Variants in TCF7L2 observed in about 807,000 individuals in gnomAD.
TCF7L2 encodes transcription factor 7-like 2.
A neutral mutation model predicts 77.9 loss-of-function variants in TCF7L2; 23 were observed. The observed-to-expected ratio is 0.30, with a 90% CI of 0.21 to 0.42. The LOEUF (loss-of-function observed/expected upper bound fraction) is 0.42. Ranked by LOEUF, TCF7L2 falls within the 10% of genes least tolerant of loss-of-function variation. The probability of loss-of-function intolerance (pLI) is 1.00; values close to 1 mark genes in which losing one functional copy is unlikely to be tolerated. For missense variants in TCF7L2, 654 were observed against 793.1 expected (o/e 0.82, Z 2.11); for synonymous variants, 413 against 340.2 (o/e 1.21, Z -2.36).
chr10:113,077,498 A>C (rs1423287173), intron 5 of TCF7L2, among the ~76,000 whole-genome samples: 1 of 150,768 alleles, frequency 6.6e-6, no homozygotes, highest in African/African-American at 2.4e-5. Context: ...CATTTCCCCC[A>C]CTCTGCCTTC....
intron 5 of TCF7L2, among the ~76,000 whole-genome samples, chr10:113,108,059 A>G (rs2062630115): frequency 6.6e-6 from 1 of 152,142 alleles, no homozygotes; most frequent in African/African-American, 2.4e-5. Flanking sequence ...TCTTCCTTTG[A>G]GAGCCTCCAG....
intron 4 of TCF7L2, among the ~76,000 whole-genome samples, chr10:113,023,534 C>T (rs1302032919): frequency 2.6e-5 from 4 of 152,104 alleles, no homozygotes; most frequent in Admixed American, 6.5e-5. Context: ...TGCAGTGGCA[C>T]GATCTCAGCT....
intron 5 of TCF7L2, among the ~76,000 whole-genome samples, chr10:113,097,262 T>C (rs557404424): frequency 2.0e-5 from 3 of 152,198 alleles, no homozygotes; most frequent in South Asian, 2.1e-4. Context: ...CACTAGAAAG[T>C]AGGAGCAGCT....
At chr10:112,988,851 A>G (rs532486345) in intron 4 of TCF7L2, among the ~76,000 whole-genome samples, 7 of 152,334 alleles carry the variant, frequency 4.6e-5, no homozygotes, top group Admixed American at 2.6e-4. Context: ...CAGTTTCTCT[A>G]TATATGGACA....
chr10:113,002,576 A>G (rs1348830348), intron 4 of TCF7L2, among the ~76,000 whole-genome samples: 1 of 152,056 alleles, frequency 6.6e-6, no homozygotes, highest in African/African-American at 2.4e-5. Context: ...ACATTTGATA[A>G]GGTAACTCAC....
chr10:113,141,028 A>G (rs980595462), intron 5 of TCF7L2, among the ~76,000 whole-genome samples, 156 bp from the exon 6 acceptor site: 5 of 152,156 alleles, frequency 3.3e-5, no homozygotes, highest in African/African-American at 4.8e-5. Flanking sequence ...TTATTTTCAC[A>G]TGGACTGGGG....
chr10:113,056,902 T>C (rs992962643), intron 5 of TCF7L2, among the ~76,000 whole-genome samples: 1 of 152,170 alleles, frequency 6.6e-6, no homozygotes, highest in Non-Finnish European at 1.5e-5. Flanking sequence ...GCCTTGGGCC[T>C]CTACAGAGCG....
intron 5 of TCF7L2, among the ~76,000 whole-genome samples, chr10:113,096,224 C>T (rs114281740): frequency 4.3e-4 from 66 of 152,270 alleles, no homozygotes; most frequent in African/African-American, 1.6e-3. Flanking sequence ...TCTCTGTTGA[C>T]GTACCTGTTT....
intron 5 of TCF7L2, among the ~76,000 whole-genome samples, chr10:113,097,854 C>A (rs1423520324): frequency 1.3e-5 from 2 of 150,888 alleles, no homozygotes; most frequent in Non-Finnish European, 3.0e-5. Context: ...GAGTCAGAGA[C>A]CAGCCTGGCC....
intron 3 of TCF7L2, among the ~76,000 whole-genome samples, chr10:112,953,541 A>C (rs1217239892): frequency 6.6e-6 from 1 of 152,182 alleles, no homozygotes; most frequent in Non-Finnish European, 1.5e-5. Flanking sequence ...TTCCGATGGA[A>C]ACCTCCCTGG....
intron 5 of TCF7L2, among the ~76,000 whole-genome samples, chr10:113,042,699 T>A (rs1054153406): frequency 1.3e-5 from 2 of 152,202 alleles, no homozygotes; most frequent in Non-Finnish European, 2.9e-5. Context: ...TCTATCCACC[T>A]GGTCACCTAT....
chr10:112,956,195 C>T (rs2033543596), intron 3 of TCF7L2, among the ~76,000 whole-genome samples: 1 of 151,928 alleles, frequency 6.6e-6, no homozygotes, highest in African/African-American at 2.4e-5. Flanking sequence ...GAGGACCTTT[C>T]CCCCAGCTGT....
At chr10:112,998,117 T>C (rs1361776644) in intron 4 of TCF7L2, among the ~76,000 whole-genome samples, 10 of 151,088 alleles carry the variant, frequency 6.6e-5, no homozygotes, top group East Asian at 1.9e-4. Flanking sequence ...TTTTTTTTTT[T>C]CTAAAGAGAT....
chr10:113,061,850 T>G (rs774444511), intron 5 of TCF7L2, among the ~76,000 whole-genome samples: 1 of 152,002 alleles, frequency 6.6e-6, no homozygotes, highest in Non-Finnish European at 1.5e-5. Flanking sequence ...CTCTCGAGAG[T>G]GTCAGGATTT....
chr10:113,032,180 C>T (rs528998135), intron 4 of TCF7L2, among the ~76,000 whole-genome samples: 2 of 152,294 alleles, frequency 1.3e-5, no homozygotes, highest in Admixed American at 1.3e-4. Context: ...GGGCCTCAGC[C>T]TAAGGGGCCC....
chr10:113,019,560 C>T (rs1300759501), intron 4 of TCF7L2, among the ~76,000 whole-genome samples: 1 of 151,918 alleles, frequency 6.6e-6, no homozygotes, highest in Non-Finnish European at 1.5e-5. Flanking sequence ...CTCTTGGGTC[C>T]TCTGTAAGTT....
rs147444528 is a variant in TCF7L2 at position 113,133,750 on chromosome 10, C to G, written c.553-7434C>G. On this transcript the variant is annotated intron_variant, in intron 5 of 13. Transcript: ENST00000627217. Reference sequence around the variant, plus strand: ...ACAGACGGCAGGGAGAATCATCTCTCTTCCTCTTCTTGCTGTCTAAATGGA... The same window carrying G: ...ACAGACGGCAGGGAGAATCATCTCTGTTCCTCTTCTTGCTGTCTAAATGGA... Among the ~76,000 whole-genome samples, 75 of 152,344 alleles carry G rather than the reference C, an allele frequency of 4.9e-4. 1 individual carries two copies. The East Asian group carries it at 9.3e-3, about 19-fold the overall frequency.
At chr10:112,964,763 G>GTGGTGGTGGTGA (rs1564718998) in intron 4 of TCF7L2, 139 bp downstream of exon 4, 47 of 642,216 alleles carry the variant, frequency 7.3e-5, no homozygotes, top group Middle Eastern at 7.8e-4. Context: ...GGTGGTGATG[G>GTGGTGGTGGTGA]TGGTGGTGGT....
chr10:113,116,006 T>C (rs2063687146), intron 5 of TCF7L2, among the ~76,000 whole-genome samples: 1 of 152,202 alleles, frequency 6.6e-6, no homozygotes, highest in Non-Finnish European at 1.5e-5. Flanking sequence ...TTTGAGGAAC[T>C]TCAATCCTAT....
Sources: gnomAD v4.1 joint callset for allele counts (sites outside exome capture counted in the v4.1 genomes callset) on GRCh38, gnomAD v4.1.1 for gene constraint, MANE v1.5 for transcripts, NCBI Gene and HGNC (gene_info 2026-07-23, HGNC 2026-07-21) for gene names.